The following CDH13 variants were observed in gnomAD, a reference collection of about 807,000 sequenced individuals.
CDH13 encodes cadherin 13, also known as cadherin-13.
A neutral mutation model predicts 63.8 loss-of-function variants in CDH13; 24 were observed. The observed-to-expected ratio is 0.38, with a 90% CI of 0.27 to 0.53. The LOEUF is 0.53. CDH13 is among the 20% of genes least tolerant of loss of function. The probability of loss-of-function intolerance (pLI) is 0.85; values close to 1 mark genes in which losing one functional copy is unlikely to be tolerated. For synonymous variants in CDH13, 503 were observed against 355.3 expected, an observed-to-expected ratio of 1.42 and a Z score of -4.67; for missense variants, 1,049 against 903.1, an observed-to-expected ratio of 1.16 and a Z score of -2.07.
chr16:83,285,683 T>C (rs2089293389), intron 5 of CDH13, among the ~76,000 whole-genome samples: 1 of 152,192 alleles, frequency 6.6e-6, no homozygotes, highest in South Asian at 2.1e-4. Flanking sequence ...TTTGCCGCTT[T>C]ATATAAGAGA....
chr16:83,545,263 C>T (rs532223999), intron 7 of CDH13, among the ~76,000 whole-genome samples: 3 of 152,128 alleles, frequency 2.0e-5, no homozygotes, highest in South Asian at 4.1e-4. Flanking sequence ...GAAGACTTCA[C>T]AGTAAGAGTT....
At chr16:83,083,611 T>C (rs1462453526) in intron 3 of CDH13, among the ~76,000 whole-genome samples, 1 of 152,164 alleles carries the variant, frequency 6.6e-6, no homozygotes, top group Non-Finnish European at 1.5e-5. Context: ...TGCCTTCCAA[T>C]AACATGAAAT....
intron 1 of CDH13, among the ~76,000 whole-genome samples, chr16:82,707,662 A>G (rs2031600445): frequency 6.6e-6 from 1 of 152,156 alleles, no homozygotes; most frequent in African/African-American, 2.4e-5. Flanking sequence ...TAGCTCCAAC[A>G]TGGTTTTGGT....
chr16:83,720,252 A>G (rs1329533328), intron 10 of CDH13, among the ~76,000 whole-genome samples: 1 of 152,010 alleles, frequency 6.6e-6, no homozygotes, highest in South Asian at 2.1e-4. Context: ...ATGTCCACAC[A>G]TTCACACACC....
intron 4 of CDH13, among the ~76,000 whole-genome samples, chr16:83,211,744 T>C (rs1237196317): frequency 6.8e-6 from 1 of 147,280 alleles, no homozygotes; most frequent in East Asian, 1.9e-4. Flanking sequence ...GTCCCAGCTA[T>C]GCGACGCCCA....
intron 6 of CDH13, among the ~76,000 whole-genome samples, chr16:83,377,570 T>A (rs546663826): frequency 3.9e-5 from 6 of 152,298 alleles, no homozygotes; most frequent in African/African-American, 1.2e-4. Context: ...CCATTGGTGG[T>A]GACAAATTTT....
chr16:82,751,512 G>T (rs2034414449), intron 1 of CDH13, among the ~76,000 whole-genome samples: 1 of 152,052 alleles, frequency 6.6e-6, no homozygotes, highest in Admixed American at 6.6e-5. Context: ...CAACTAGCAT[G>T]GACCAGAGCT....
chr16:82,757,986 G>T (rs1450784020), intron 1 of CDH13, among the ~76,000 whole-genome samples: 1 of 152,096 alleles, frequency 6.6e-6, no homozygotes. Flanking sequence ...AATCCATTCT[G>T]AGGCTAGAAA....
chr16:83,028,049 C>A, intron 2 of CDH13, among the ~76,000 whole-genome samples: 1 of 152,168 alleles, frequency 6.6e-6, no homozygotes, highest in East Asian at 1.9e-4. Flanking sequence ...AGAACCCCCA[C>A]AAACTTTCAT....
intron 8 of CDH13, among the ~76,000 whole-genome samples, chr16:83,609,197 C>A (rs529125205): frequency 1.3e-5 from 2 of 152,110 alleles, no homozygotes; most frequent in Non-Finnish European, 2.9e-5. Context: ...GCTTTGAATG[C>A]GGCCCAACAC....
chr16:83,288,318 C>G (rs1026296586), intron 5 of CDH13, among the ~76,000 whole-genome samples: 1 of 152,136 alleles, frequency 6.6e-6, no homozygotes, highest in African/African-American at 2.4e-5. Context: ...CAATCTTGTT[C>G]CATGGTGTCT....
intron 3 of CDH13, among the ~76,000 whole-genome samples, chr16:83,043,868 GA>G (rs1432546444): frequency 1.3e-5 from 2 of 151,640 alleles, no homozygotes; most frequent in Non-Finnish European, 2.9e-5. Flanking sequence ...TTATTCATAA[GA>G]TACCTTTTTA....
intron 2 of CDH13, among the ~76,000 whole-genome samples, chr16:82,923,167 A>G (rs917245984): frequency 1.3e-5 from 2 of 152,228 alleles, no homozygotes; most frequent in African/African-American, 4.8e-5. Flanking sequence ...AAAAACTGCA[A>G]TATCTGTGAA....
intron 2 of CDH13, among the ~76,000 whole-genome samples, chr16:82,932,720 G>A (rs1332368819): frequency 6.6e-6 from 1 of 152,192 alleles, no homozygotes; most frequent in Non-Finnish European, 1.5e-5. Flanking sequence ...TGAAACATTT[G>A]ATATGCTGAT....
chr16:83,549,639 G>A (rs1375497234), intron 7 of CDH13, among the ~76,000 whole-genome samples: 1 of 129,078 alleles, frequency 7.7e-6, no homozygotes, highest in African/African-American at 3.0e-5. Flanking sequence ...TTTTCTCTAC[G>A]CTCAAAAAAA....
intron 5 of CDH13, among the ~76,000 whole-genome samples, chr16:83,240,334 A>T (rs1379315141): frequency 6.6e-6 from 1 of 152,070 alleles, no homozygotes; most frequent in Non-Finnish European, 1.5e-5. Context: ...CTTCTGAGTG[A>T]AATGGGAAGC....
intron 3 of CDH13, among the ~76,000 whole-genome samples, chr16:83,061,714 A>G (rs9931545): frequency 0.025 from 3,842 of 152,328 alleles, 161 homozygotes; most frequent in African/African-American, 0.086. Context: ...GCTAAAAAGT[A>G]TAGTGATAAA....
intron 2 of CDH13, among the ~76,000 whole-genome samples, chr16:83,031,054 T>A (rs1265211219): frequency 6.6e-6 from 1 of 151,232 alleles, no homozygotes. Flanking sequence ...TAGAATTCTA[T>A]ATGGTGCTGC....
intron 5 of CDH13, among the ~76,000 whole-genome samples, chr16:83,325,910 C>T (rs1354987193): frequency 6.6e-6 from 1 of 152,144 alleles, no homozygotes. Flanking sequence ...GAACGAAGTC[C>T]ACAATGTCCC....
Sources: allele counts gnomAD v4.1 joint callset (sites outside exome capture counted in the v4.1 genomes callset), GRCh38; gene constraint gnomAD v4.1.1; transcripts MANE v1.5; gene names NCBI Gene and HGNC (gene_info 2026-07-23, HGNC 2026-07-21).